The following UBR4 variants were observed in gnomAD, a reference collection of about 807,000 sequenced individuals.
UBR4 encodes E3 ubiquitin-protein ligase UBR4.
UBR4 carries 124 observed loss-of-function variants against 575.6 expected under a neutral mutation model. The ratio of observed to expected loss-of-function variants is 0.22; its 90% confidence interval spans 0.19 to 0.25. The LOEUF (loss-of-function observed/expected upper bound fraction) is 0.25, where lower values mean the gene tolerates loss of function less well. UBR4 is among the 10% of genes least tolerant of loss of function. UBR4 has a pLI of 1.00. For synonymous variants in UBR4, 2,455 were observed against 2,473.7 expected, an observed-to-expected ratio of 0.99 and a Z score of 0.22; for missense variants, 4,818 against 6,478.8, an observed-to-expected ratio of 0.74 and a Z score of 8.80.
Position 19,152,590 on chromosome 1 carries a change from T to G in UBR4, c.6833-114A>C. 2.9e-6 allele frequency: 4 copies of G among 1,383,868 alleles called. No homozygotes were observed. Among genetic ancestry groups the G allele is most frequent in the Non-Finnish European group, 4.0e-6 (4 of 1,004,864 alleles). 85.7% of individuals were successfully genotyped at this position (1,383,868 alleles called of 1,614,324 possible). On this transcript the variant is annotated intron_variant, in intron 46 of 105. Transcript: ENST00000375254. The surrounding 1 kb of genome is among the most constrained non-coding windows in gnomAD (Gnocchi z 4.4). Reference sequence around the variant, plus strand: ...CTCACACTCTAATCTAAGCAAACTCTGGATTATAACATTTGCATCGGCATG... The same window carrying G: ...CTCACACTCTAATCTAAGCAAACTCGGGATTATAACATTTGCATCGGCATG...
rs773578828 is a variant in UBR4 at position 19,126,483 on chromosome 1, G to C, written c.9401C>G (p.Pro3134Arg). 1 of 1,614,206 alleles carries C rather than the reference G, an allele frequency of 6.2e-7. No homozygotes were observed. The highest frequency in any genetic ancestry group is 1.1e-5 in the South Asian group (1 of 91,074). ...GCGGAGAAAGAATGGGCTCATGTCAGGTGGGGAGGAGGTAGTATGTGGTTT... is the reference window on the plus strand; with the variant it reads ...GCGGAGAAAGAATGGGCTCATGTCACGTGGGGAGGAGGTAGTATGTGGTTT... Reference protein sequence around the residue: ...LLKPHTTSSPPDMSPFFLRQY... With the variant: ...LLKPHTTSSPRDMSPFFLRQY... Residue 3134 changes from proline (P) to arginine (R), a missense_variant, in exon 64 of 106, where the codon CCT (proline) becomes CGT (arginine). Pro to Arg is a moderately radical substitution (Grantham distance 103, BLOSUM62 -2). This residue lies in a region of UBR4 where 550 missense variants were observed against 791.5 expected (regional missense o/e 0.69). Transcript: ENST00000375254.
chr1:19,166,817 G>C (rs2088561281), intron 29 of UBR4, among the ~76,000 whole-genome samples: 1 of 148,874 alleles, frequency 6.7e-6, no homozygotes, highest in Non-Finnish European at 1.5e-5. Context: ...AAGGTAGGAG[G>C]ATTGCTTGAG....
chr1:19,142,136 CAT>C (rs1297748035), intron 55 of UBR4, among the ~76,000 whole-genome samples: 1 of 152,238 alleles, frequency 6.6e-6, no homozygotes, highest in African/African-American at 2.4e-5. Context: ...CAGGAAAAAT[CAT>C]ATGATTGGGA....
At chr1:19,207,279 T>C (rs2093057447) in intron 1 of UBR4, among the ~76,000 whole-genome samples, 2 of 152,112 alleles carry the variant, frequency 1.3e-5, no homozygotes, top group South Asian at 2.1e-4. Context: ...TATAGCTTCC[T>C]ATGCAAGACA....
At chr1:19,132,214 C>G (rs1431364737) in intron 60 of UBR4, among the ~76,000 whole-genome samples, 1 of 152,076 alleles carries the variant, frequency 6.6e-6, no homozygotes, top group Non-Finnish European at 1.5e-5. Context: ...CAGAGTCTCA[C>G]TCTGTCACCC....
chr1:19,100,832 A>C lies in UBR4; in HGVS notation c.13024-259T>G, dbSNP rs2078548921. On this transcript the variant is annotated intron_variant, in intron 88 of 105. Coordinates refer to ENST00000375254, the MANE Select transcript of UBR4 (RefSeq NM_020765.3). The surrounding 1 kb of genome is among the most constrained non-coding windows in gnomAD (Gnocchi z 4.2). Reference sequence around the variant, plus strand: ...AGCCTAACAAAACAAGCAGACAAGGAGTGACATATGAGAGATATATTAAAA... The same window carrying C: ...AGCCTAACAAAACAAGCAGACAAGGCGTGACATATGAGAGATATATTAAAA... 6.6e-6 allele frequency among the ~76,000 whole-genome samples: 1 copy of C among 151,906 alleles called. No homozygotes were observed. The highest frequency in any genetic ancestry group is 2.1e-4 in the South Asian group (1 of 4,816).
rs548310895 is a variant in UBR4, at chr1:19,117,494, T to G, written c.10630-80A>C. 2.8e-6 allele frequency: 4 copies of G among 1,409,372 alleles called. No homozygotes were observed. The African/African-American group carries it at 5.8e-5, about 20-fold the overall frequency. 87.3% of individuals were successfully genotyped at this position (1,409,372 alleles called of 1,614,324 possible). On this transcript the variant is annotated intron_variant, in intron 72 of 105. Coordinates refer to ENST00000375254, the MANE Select transcript of UBR4 (RefSeq NM_020765.3). This position sits in a 1 kb window ranked among gnomAD's most constrained non-coding sequence, Gnocchi z 4.0. ...TTAAAAATTCATCAGTGTAACCCAC[T>G]CTTCATCCACAAGATGAAGTTTCTA...
chr1:19,089,036 C>G lies in UBR4; in HGVS notation c.14212-59G>C, dbSNP rs2077272571. 3.2e-6 allele frequency: 5 copies of G among 1,560,000 alleles called. No individual in the cohort carries two copies. In the African/African-American group the frequency reaches 4.1e-5, roughly 13 times the overall value. On this transcript the variant is annotated intron_variant, in intron 97 of 105. Transcript: ENST00000375254. This position sits in a 1 kb window ranked among gnomAD's most constrained non-coding sequence, Gnocchi z 4.3. The stretch of plus-strand genomic sequence containing the variant: ...CAATTATGTAGACAAACCTTCTTCC[C>G]GGGAGCTTAAAGGTTTAGAAACTCA...
intron 51 of UBR4, 51 bp from the exon 52 acceptor site, chr1:19,147,051 C>A: frequency 6.6e-7 from 1 of 1,513,804 alleles, no homozygotes; most frequent in South Asian, 1.4e-5. Flanking sequence ...GAGCTGGGTA[C>A]AAAAGCAAAG....
Position 19,169,306 on chromosome 1 carries a change from T to C in UBR4, c.3741+129A>G, listed in dbSNP as rs2089114826. The stretch of plus-strand genomic sequence containing the variant: ...AATGCATTGATTAATGATTCAGCCA[T>C]AGCCAATATTACTGCAGTATATGAA... On this transcript the variant is annotated intron_variant, in intron 27 of 105. Transcript: ENST00000375254. 1.4e-5 allele frequency: 9 copies of C among 659,050 alleles called. No individual in the cohort carries two copies. The South Asian group carries it at 3.0e-4, about 22-fold the overall frequency. The allele number at this position is 659,050 out of a possible 1,614,324, so 40.8% of individuals were successfully genotyped here. A position where few individuals can be genotyped will look rare whatever the true frequency, so the allele number is the denominator to read the frequency against.
At chr1:19,199,573 ACT>A in intron 3 of UBR4, 76 bp downstream of exon 3, 1 of 1,352,510 alleles carries the variant, frequency 7.4e-7, no homozygotes, top group South Asian at 1.2e-5. Flanking sequence ...GAAAAAGTTC[ACT>A]GACCTCTACT....
intron 63 of UBR4, among the ~76,000 whole-genome samples, chr1:19,127,102 G>T (rs1459099445): frequency 6.6e-6 from 1 of 152,122 alleles, no homozygotes; most frequent in African/African-American, 2.4e-5. Context: ...AAAGGAGTTG[G>T]GGGTGAGTGA....
intron 87 of UBR4, among the ~76,000 whole-genome samples, chr1:19,103,075 GC>G (rs1165943434): frequency 1.3e-5 from 2 of 152,102 alleles, no homozygotes; most frequent in African/African-American, 2.4e-5. Context: ...CCCATCTTTG[GC>G]CCAGTCCTAA....
intron 15 of UBR4, 55 bp from the exon 16 acceptor site, chr1:19,184,230 T>C: frequency 6.4e-7 from 1 of 1,558,356 alleles, no homozygotes; most frequent in East Asian, 2.2e-5. Flanking sequence ...CCAGCGTTCC[T>C]ATAAACTCTG....
At chr1:19,111,429 G>A (rs12740975) in intron 78 of UBR4, among the ~76,000 whole-genome samples, 40,973 of 151,962 alleles carry the variant, frequency 0.27, 6,472 homozygotes, top group East Asian at 0.61. Context: ...CCAGCTACAC[G>A]GGTTCCTTGT....
intron 1 of UBR4, 96 bp downstream of exon 1, chr1:19,209,977 G>A: frequency 1.5e-6 from 2 of 1,362,292 alleles, no homozygotes; most frequent in Non-Finnish European, 1.9e-6. Flanking sequence ...GATCCTCAAG[G>A]GGGCAGGGGG....
At chr1:19,199,591 C>T in intron 3 of UBR4, 60 bp downstream of exon 3, 2 of 1,494,176 alleles carry the variant, frequency 1.3e-6, no homozygotes, top group Non-Finnish European at 1.9e-6. Flanking sequence ...CTACTCTATT[C>T]CACTAGTCAG....
In UBR4 at chr1:19,124,582, G is replaced by A. The variant is rs377690753; in HGVS notation, c.9547C>T (p.Pro3183Ser). ...AACCACGAGTGGTCAAAGACAGGAG[G>A]TGGGATTCGAGAATTGGTGTCAGTA... ...KITDTNSRIP[P>S]PVFDHSWFYF... The change falls in exon 65 of 106, where the codon CCT becomes TCT. Residue 3183 changes from proline to serine, a missense_variant. Pro to Ser is a moderately conservative substitution (Grantham distance 74, BLOSUM62 -1). Coordinates refer to ENST00000375254, the MANE Select transcript of UBR4 (RefSeq NM_020765.3). 12 of 1,614,234 alleles carry A rather than the reference G, an allele frequency of 7.4e-6. No homozygotes were observed. Among genetic ancestry groups the A allele is most frequent in the Admixed American group, 1.7e-5 (1 of 60,034 alleles).
intron 104 of UBR4, chr1:19,077,714 C>G: frequency 7.3e-7 from 1 of 1,364,150 alleles, no homozygotes; most frequent in Non-Finnish European, 9.7e-7. Flanking sequence ...GCCTGGGCAA[C>G]AAGAACAAAA....
Sources: allele counts gnomAD v4.1 joint callset (sites outside exome capture counted in the v4.1 genomes callset), GRCh38; gene constraint gnomAD v4.1.1; regional missense constraint gnomAD v4.1.1; non-coding constraint Gnocchi (gnomAD v3.1); transcripts MANE v1.5; gene names NCBI Gene and HGNC (gene_info 2026-07-23, HGNC 2026-07-21).